Variants in CTNNA2 observed in about 807,000 individuals in gnomAD.
The protein encoded by CTNNA2 is catenin alpha 2.
In CTNNA2, 42 loss-of-function variants were observed where a neutral mutation model predicts 101.0. That is an observed-to-expected ratio of 0.42 (90% CI 0.32 to 0.54). The LOEUF (loss-of-function observed/expected upper bound fraction) is 0.54. Ranked by LOEUF, CTNNA2 falls within the 20% of genes least tolerant of loss-of-function variation. The pLI is 0.14. For synonymous variants in CTNNA2, 450 were observed against 456.4 expected, an observed-to-expected ratio of 0.99 and a Z score of 0.18; for missense variants, 871 against 1,223.1, an observed-to-expected ratio of 0.71 and a Z score of 4.29.
chr2:79,292,250 G>A (rs1675841525), intron 2 of CTNNA2, among the ~76,000 whole-genome samples: 2 of 152,162 alleles, frequency 1.3e-5, no homozygotes, highest in Admixed American at 1.3e-4. Context: ...GGCTGTGGCA[G>A]TGAGGAGTAA....
chr2:80,098,709 G>A (rs1297008849), intron 7 of CTNNA2, among the ~76,000 whole-genome samples: 2 of 152,158 alleles, frequency 1.3e-5, no homozygotes, highest in Non-Finnish European at 1.5e-5. Flanking sequence ...GAAATGGCAG[G>A]CGCCCCTCCC....
chr2:79,471,512 C>T (rs1040580496), intron 4 of CTNNA2, among the ~76,000 whole-genome samples: 41 of 152,044 alleles, frequency 2.7e-4, no homozygotes, highest in African/African-American at 9.4e-4. Context: ...TCTCATAATC[C>T]ACCTCCTAAT....
intron 7 of CTNNA2, among the ~76,000 whole-genome samples, chr2:80,185,168 C>T (rs150923413): frequency 6.6e-6 from 1 of 152,148 alleles, no homozygotes; most frequent in East Asian, 1.9e-4. Context: ...AAGATCCACT[C>T]CAAGTTAATT....
intron 2 of CTNNA2, among the ~76,000 whole-genome samples, chr2:79,710,357 T>C (rs895949229): frequency 1.3e-4 from 20 of 152,194 alleles, no homozygotes; most frequent in Non-Finnish European, 2.5e-4. Context: ...TCTAATATGC[T>C]TACACTGAAT....
intron 7 of CTNNA2, among the ~76,000 whole-genome samples, chr2:80,264,819 T>C (rs1399323417): frequency 1.3e-5 from 2 of 152,094 alleles, no homozygotes; most frequent in Non-Finnish European, 2.9e-5. Flanking sequence ...ATATTTCTTC[T>C]TATGTGGAGC....
chr2:80,335,954 C>T (rs1671734510), intron 7 of CTNNA2, among the ~76,000 whole-genome samples: 1 of 152,172 alleles, frequency 6.6e-6, no homozygotes. Flanking sequence ...GGACTCAACT[C>T]TCCCAATTCC....
rs61186189 is a variant in CTNNA2, at chr2:80,547,690, C to CTTTTTTTTTTT, written c.1540+1633_1540+1643dup. ...AGAACTCAATATATTGTCACTTCTG[C>CTTTTTTTTTTT]TTTTTTTTTTTTTTTTGAGATGGAG... On this transcript the variant is annotated intron_variant, in intron 11 of 18. Coordinates refer to ENST00000402739, the MANE Select transcript of CTNNA2 (RefSeq NM_001282597.3). Among the ~76,000 whole-genome samples, 291 of 124,256 alleles carry CTTTTTTTTTTT rather than the reference C, an allele frequency of 2.3e-3. 28 individuals carry two copies. Among genetic ancestry groups the CTTTTTTTTTTT allele is most frequent in the African/African-American group, 8.7e-3 (255 of 29,336 alleles). The allele number at this position is 124,256 out of a possible 152,430, so 81.5% of individuals were successfully genotyped here. A position where few individuals can be genotyped will look rare whatever the true frequency, so the allele number is the denominator to read the frequency against.
intron 2 of CTNNA2, among the ~76,000 whole-genome samples, chr2:79,229,470 G>A (rs1028698744): frequency 6.6e-6 from 1 of 152,126 alleles, no homozygotes; most frequent in African/African-American, 2.4e-5. Flanking sequence ...TATAAGAAGT[G>A]CCCTCCACCA....
intron 9 of CTNNA2, among the ~76,000 whole-genome samples, chr2:80,487,005 G>C (rs989951975): frequency 6.6e-6 from 1 of 152,146 alleles, no homozygotes; most frequent in African/African-American, 2.4e-5. Flanking sequence ...CAAAACTTGG[G>C]CCGAGCGTGG....
chr2:79,656,100 A>C (rs890060945), intron 2 of CTNNA2, among the ~76,000 whole-genome samples: 1 of 152,172 alleles, frequency 6.6e-6, no homozygotes, highest in African/African-American at 2.4e-5. Context: ...TGATTTAAAA[A>C]AATTAAATAT....
At chr2:80,269,694 A>G (rs1357655135) in intron 7 of CTNNA2, among the ~76,000 whole-genome samples, 1 of 152,188 alleles carries the variant, frequency 6.6e-6, no homozygotes, top group Non-Finnish European at 1.5e-5. Flanking sequence ...TACAATCTGA[A>G]TGCTATTAAG....
chr2:79,775,665 G>A (rs1300652213), intron 3 of CTNNA2, among the ~76,000 whole-genome samples: 1 of 152,104 alleles, frequency 6.6e-6, no homozygotes, highest in Non-Finnish European at 1.5e-5. Flanking sequence ...GTGGTAGAGG[G>A]CATGTGGAAT....
At chr2:79,555,550 A>G (rs1415684689) in intron 1 of CTNNA2, among the ~76,000 whole-genome samples, 1 of 152,150 alleles carries the variant, frequency 6.6e-6, no homozygotes. Flanking sequence ...GAATTGTGTT[A>G]GAATATATTA....
intron 2 of CTNNA2, among the ~76,000 whole-genome samples, chr2:79,275,092 T>C (rs1357751355): frequency 1.3e-5 from 2 of 152,052 alleles, no homozygotes; most frequent in Admixed American, 6.6e-5. Context: ...AAGGCTTCAG[T>C]TATTTTCCTG....
chr2:79,349,062 G>A (rs1012883319), intron 3 of CTNNA2, among the ~76,000 whole-genome samples: 1 of 152,144 alleles, frequency 6.6e-6, no homozygotes, highest in Non-Finnish European at 1.5e-5. Context: ...ATTCCTCTTA[G>A]CAACATTAAC....
intron 3 of CTNNA2, among the ~76,000 whole-genome samples, chr2:79,837,504 A>C (rs1679468842): frequency 6.6e-6 from 1 of 152,186 alleles, no homozygotes; most frequent in Admixed American, 6.5e-5. Context: ...GTCAACACTC[A>C]GTATTAACCA....
chr2:79,559,060 G>A (rs1172676017), intron 1 of CTNNA2, among the ~76,000 whole-genome samples: 2 of 151,812 alleles, frequency 1.3e-5, no homozygotes, highest in East Asian at 3.9e-4. Flanking sequence ...TATTGTAGGT[G>A]CTTAAAAAAT....
chr2:80,038,084 C>G (rs1168376256), intron 7 of CTNNA2, among the ~76,000 whole-genome samples: 3 of 152,102 alleles, frequency 2.0e-5, no homozygotes, highest in Non-Finnish European at 1.5e-5. Flanking sequence ...AAAACTGACT[C>G]CTGATTCTCT....
At chr2:80,201,966 C>T (rs886701984) in intron 7 of CTNNA2, among the ~76,000 whole-genome samples, 1 of 152,266 alleles carries the variant, frequency 6.6e-6, no homozygotes, top group South Asian at 2.1e-4. Flanking sequence ...ATTATCTACT[C>T]CCTTCACCAC....
Sources: allele counts gnomAD v4.1 joint callset (sites outside exome capture counted in the v4.1 genomes callset), GRCh38; gene constraint gnomAD v4.1.1; transcripts MANE v1.5; gene names NCBI Gene and HGNC (gene_info 2026-07-23, HGNC 2026-07-21).